The following KIF13B variants were observed in gnomAD, a reference collection of about 807,000 sequenced individuals.
KIF13B encodes kinesin-like protein KIF13B.
In KIF13B, 127 loss-of-function variants were observed where a neutral mutation model predicts 222.0. The observed-to-expected ratio is 0.57, with a 90% CI of 0.50 to 0.66. KIF13B has a LOEUF of 0.66. Ranked by LOEUF, KIF13B falls within the 30% of genes least tolerant of loss-of-function variation. The pLI is 0.00. For missense variants in KIF13B, 2,173 were observed against 2,379.0 expected, an observed-to-expected ratio of 0.91 and a Z score of 1.80; for synonymous variants, 976 against 919.0, an observed-to-expected ratio of 1.06 and a Z score of -1.12.
At position 29,160,804 on chromosome 8, in the gene KIF13B, C is replaced by G. The variant is rs371585117; in HGVS notation, c.1333G>C (p.Asp445His). 1 of 1,613,290 alleles carries G rather than the reference C, an allele frequency of 6.2e-7. No individual in the cohort carries two copies. Among genetic ancestry groups the G allele is most frequent in the African/African-American group, 1.3e-5 (1 of 74,900 alleles). The change falls in exon 13 of 40, where the codon GAT (aspartate) becomes CAT (histidine). Residue 445 changes from aspartate to histidine, a missense_variant. Coordinates refer to ENST00000524189, the MANE Select transcript of KIF13B (RefSeq NM_015254.4). ...SLQSSGIKVG[D>H]DKCFLVNLNA... ...AGATTCACAAGGAAGCATTTATCAT[C>G]CCCAACTTTGATTCCCGAAGACTGA...
chr8:29,224,663 C>A (rs181457035), intron 2 of KIF13B, among the ~76,000 whole-genome samples: 50 of 121,154 alleles, frequency 4.1e-4, no homozygotes, highest in Admixed American at 3.7e-3. Flanking sequence ...GTTTATAGAA[C>A]CCCCCCCCAT....
intron 37 of KIF13B, 23 bp downstream of exon 37, chr8:29,092,722 G>T: frequency 6.3e-7 from 1 of 1,599,266 alleles, no homozygotes. Flanking sequence ...AACGTTCACA[G>T]CTGTTTTCTC....
chr8:29,249,765 C>T (rs1211630556), intron 1 of KIF13B, among the ~76,000 whole-genome samples: 1 of 152,152 alleles, frequency 6.6e-6, no homozygotes, highest in East Asian at 1.9e-4. Flanking sequence ...ACACATTTTT[C>T]AAGCAAAGAG....
intron 7 of KIF13B, among the ~76,000 whole-genome samples, chr8:29,181,132 C>A (rs1186641589): frequency 2.0e-5 from 3 of 152,104 alleles, no homozygotes; most frequent in Non-Finnish European, 4.4e-5. Context: ...TCTGGGAATT[C>A]TCCTTAAGGG....
chr8:29,242,689 T>C (rs1000582032), intron 2 of KIF13B, among the ~76,000 whole-genome samples: 1 of 152,222 alleles, frequency 6.6e-6, no homozygotes, highest in South Asian at 2.1e-4. Context: ...AGGAGAGTGC[T>C]CCGAGCAGTG....
At chr8:29,165,854 A>C (rs1294428881) in intron 11 of KIF13B, 82 bp from the exon 12 acceptor site, 4 of 921,440 alleles carry the variant, frequency 4.3e-6, no homozygotes, top group Non-Finnish European at 5.2e-6. Context: ...GGACAAAAGT[A>C]ACAATCTGCC....
intron 3 of KIF13B, among the ~76,000 whole-genome samples, chr8:29,195,840 T>G (rs1211695376): frequency 6.6e-6 from 1 of 152,226 alleles, no homozygotes; most frequent in Non-Finnish European, 1.5e-5. Context: ...AGGTTTCTGT[T>G]GGCTGGGAAT....
intron 2 of KIF13B, among the ~76,000 whole-genome samples, chr8:29,210,390 T>C (rs1041455627): frequency 1.3e-5 from 2 of 152,178 alleles, no homozygotes; most frequent in Non-Finnish European, 2.9e-5. Context: ...GAAGAACTGA[T>C]TGTCCAGGCA....
rs972187110 is a variant in KIF13B at position 29,158,555 on chromosome 8, T to C, written c.1404+2178A>G. Among the ~76,000 whole-genome samples, 4 of 152,202 alleles carry C rather than the reference T, an allele frequency of 2.6e-5. No individual in the cohort carries two copies. The East Asian group carries it at 7.7e-4, about 29-fold the overall frequency. The stretch of plus-strand genomic sequence containing the variant: ...CCAATGCCTTCACTTACACATGGAG[T>C]GGCTGAAGTCATCCAGAGACGTGAA... On this transcript the variant is annotated intron_variant, in intron 13 of 39. Transcript: ENST00000524189.
chr8:29,254,531 A>G (rs962666233), intron 1 of KIF13B, among the ~76,000 whole-genome samples: 1 of 152,244 alleles, frequency 6.6e-6, no homozygotes, highest in African/African-American at 2.4e-5. Flanking sequence ...AGCTATACAA[A>G]CGGCCAATAT....
chr8:29,098,170 C>CAAAAAAAAAAAAAAAAAAAAAAAAAA lies in KIF13B; in HGVS notation c.4324+962_4324+963insTTTTTTTTTTTTTTTTTTTTTTTTTT, dbSNP rs147089450. Among the ~76,000 whole-genome samples, 52 of 30,286 alleles carry CAAAAAAAAAAAAAAAAAAAAAAAAAA rather than the reference C, an allele frequency of 1.7e-3. 2 individuals carry two copies. Among genetic ancestry groups the CAAAAAAAAAAAAAAAAAAAAAAAAAA allele is most frequent in the Non-Finnish European group, 2.2e-3 (38 of 17,066 alleles). The allele number at this position is 30,286 out of a possible 152,430, so 19.9% of individuals were successfully genotyped here. A position where few individuals can be genotyped will look rare whatever the true frequency, so the allele number is the denominator to read the frequency against. The stretch of plus-strand genomic sequence containing the variant: ...TGGGCGACAGAGTCAGACTCCATCT[C>CAAAAAAAAAAAAAAAAAAAAAAAAAA]AAAAAAAAAAAAAAAAAAAAGTAAG... On this transcript the variant is annotated intron_variant, in intron 36 of 39. Coordinates refer to ENST00000524189, the MANE Select transcript of KIF13B (RefSeq NM_015254.4).
At position 29,071,134 on chromosome 8, in the gene KIF13B, C is replaced by T. The variant is rs1286301695; in HGVS notation, c.5219-368G>A. 6.6e-6 allele frequency among the ~76,000 whole-genome samples: 1 copy of T among 152,198 alleles called. No individual in the cohort carries two copies. Among genetic ancestry groups the T allele is most frequent in the Admixed American group, 6.5e-5 (1 of 15,290 alleles). On this transcript the variant is annotated intron_variant, in intron 39 of 39. Coordinates refer to ENST00000524189, the MANE Select transcript of KIF13B (RefSeq NM_015254.4). This position sits in a 1 kb window ranked among gnomAD's most constrained non-coding sequence, Gnocchi z 4.9. Reference sequence around the variant, plus strand: ...CGTGCGGGAACAGACCCTTCTCCATCTGGACCCAGGCCTGGGCTGGGTGGC... The same window carrying T: ...CGTGCGGGAACAGACCCTTCTCCATTTGGACCCAGGCCTGGGCTGGGTGGC...
At chr8:29,124,193 C>A in intron 26 of KIF13B, 70 bp from the exon 27 acceptor site, 1 of 913,746 alleles carries the variant, frequency 1.1e-6, no homozygotes. Context: ...GATGCTCTAT[C>A]TTACCTTGCT....
At chr8:29,256,817 C>T (rs906849386) in intron 1 of KIF13B, among the ~76,000 whole-genome samples, 5 of 152,100 alleles carry the variant, frequency 3.3e-5, no homozygotes, top group African/African-American at 1.2e-4. Context: ...TGCAGTGGTG[C>T]GATTTCAGCT....
chr8:29,229,088 TAAAAA>T (rs370080449), intron 2 of KIF13B, among the ~76,000 whole-genome samples: 11 of 94,690 alleles, frequency 1.2e-4, no homozygotes, highest in South Asian at 4.5e-4. Flanking sequence ...ATGTCAGCTT[TAAAAA>T]AAAAAAAAAA....
At chr8:29,099,734 A>ACC (rs1197645728) in intron 35 of KIF13B, among the ~76,000 whole-genome samples, 3 of 151,956 alleles carry the variant, frequency 2.0e-5, no homozygotes, top group South Asian at 4.2e-4. Flanking sequence ...TAATAATCAT[A>ACC]CCCCCCCACA....
chr8:29,219,901 A>G (rs1814665782), intron 2 of KIF13B, among the ~76,000 whole-genome samples: 2 of 152,132 alleles, frequency 1.3e-5, no homozygotes, highest in South Asian at 2.1e-4. Flanking sequence ...CATCTCTACT[A>G]AAAATACAAA....
intron 2 of KIF13B, among the ~76,000 whole-genome samples, chr8:29,240,127 T>A (rs575725479): frequency 4.2e-4 from 64 of 150,700 alleles, no homozygotes; most frequent in African/African-American, 1.5e-3. Context: ...TATTTTCAGC[T>A]CCTTTTAACA....
At chr8:29,175,243 C>G (rs554147544) in intron 10 of KIF13B, among the ~76,000 whole-genome samples, 1 of 152,284 alleles carries the variant, frequency 6.6e-6, no homozygotes, top group South Asian at 2.1e-4. Context: ...ACCACACCAC[C>G]TTATGAAGAC....
Sources: allele counts gnomAD v4.1 joint callset (sites outside exome capture counted in the v4.1 genomes callset), GRCh38; gene constraint gnomAD v4.1.1; non-coding constraint Gnocchi (gnomAD v3.1); transcripts MANE v1.5; gene names NCBI Gene and HGNC (gene_info 2026-07-23, HGNC 2026-07-21).